CNOT6L: variants seen among roughly 807,000 people sequenced by gnomAD.
CNOT6L encodes CCR4-NOT transcription complex subunit 6-like.
Under a neutral mutation model 64.0 loss-of-function variants are expected in CNOT6L, and 7 were observed. The observed-to-expected ratio is 0.11, with a 90% confidence interval of 0.06 to 0.21. The LOEUF is 0.21. Among genes scored for constraint, CNOT6L ranks in the 10% least tolerant of loss-of-function variants. The pLI is 1.00. For synonymous variants in CNOT6L, 193 were observed against 243.4 expected (o/e 0.79, Z 1.93); for missense variants, 245 against 669.0 (o/e 0.37, Z 6.99).
chr4:77,753,277 T>C (rs1382147665), intron 5 of CNOT6L, among the ~76,000 whole-genome samples: 1 of 148,502 alleles, frequency 6.7e-6, no homozygotes, highest in Admixed American at 6.7e-5. Flanking sequence ...AATACTTAAA[T>C]AAATTTTACA....
intron 1 of CNOT6L, among the ~76,000 whole-genome samples, chr4:77,811,113 TTCAG>T (rs1404285381): frequency 6.6e-6 from 1 of 152,182 alleles, no homozygotes; most frequent in Non-Finnish European, 1.5e-5. Flanking sequence ...TATCAAGCTA[TTCAG>T]TAAGAAATTC....
chr4:77,742,209 A>T lies in CNOT6L; in HGVS notation c.804T>A (p.Arg268=). 1 of 1,613,570 alleles carries T rather than the reference A, an allele frequency of 6.2e-7. No individual in the cohort carries two copies. Among genetic ancestry groups the T allele is most frequent in the Non-Finnish European group, 8.5e-7 (1 of 1,179,688 alleles). The change falls in exon 8 of 12, where the codon CGT becomes CGA. Residue 268 remains arginine, a synonymous_variant. Coordinates refer to ENST00000504123, the MANE Select transcript of CNOT6L (RefSeq NM_144571.3). ...GYDGFFSPKS[R]AKIMSEQERK... Reference sequence around the variant, plus strand: ...TCTCCTGCTCAGACATGATTTTGGCACGTGACTTTGGAGAAAAAAATCCAT... The same window carrying T: ...TCTCCTGCTCAGACATGATTTTGGCTCGTGACTTTGGAGAAAAAAATCCAT...
intron 8 of CNOT6L, among the ~76,000 whole-genome samples, chr4:77,738,692 G>A (rs1206761606): frequency 6.7e-6 from 1 of 149,226 alleles, no homozygotes; most frequent in East Asian, 2.0e-4. Context: ...GGCGGAGGTT[G>A]CAGTGGGCCA....
chr4:77,756,780 G>GCATCC (rs1725623939), intron 5 of CNOT6L, 82 bp downstream of exon 5: 1 of 811,760 alleles, frequency 1.2e-6, no homozygotes, highest in African/African-American at 1.7e-5. Flanking sequence ...ATAAAAAACA[G>GCATCC]TCAGATGCTC....
intron 1 of CNOT6L, among the ~76,000 whole-genome samples, chr4:77,786,593 G>T (rs1729473818): frequency 6.6e-6 from 1 of 152,026 alleles, no homozygotes; most frequent in Admixed American, 6.5e-5. Flanking sequence ...TCCCACTTTA[G>T]CCTCCCAAGT....
At chr4:77,802,518 C>T (rs1731704070) in intron 1 of CNOT6L, among the ~76,000 whole-genome samples, 1 of 152,198 alleles carries the variant, frequency 6.6e-6, no homozygotes, top group Non-Finnish European at 1.5e-5. Context: ...CATGGCTTCT[C>T]TGACTTTGAA....
chr4:77,801,693 G>GGA lies in CNOT6L; in HGVS notation c.5+17610_5+17611insTC, dbSNP rs1165540885. Among the ~76,000 whole-genome samples, 3 of 137,704 alleles carry GGA rather than the reference G, an allele frequency of 2.2e-5. No individual in the cohort carries two copies. The East Asian group carries it at 6.8e-4, about 31-fold the overall frequency. The allele number at this position is 137,704 out of a possible 152,430, so 90.3% of individuals were successfully genotyped here. ...TATTTTACCAGAAGATAAAAATTGG[G>GGA]GGGGGGGGAGAATGAAACATTTTAT... On this transcript the variant is annotated intron_variant, in intron 1 of 11. Transcript: ENST00000504123.
At chr4:77,773,591 T>C (rs915718006) in intron 3 of CNOT6L, among the ~76,000 whole-genome samples, 1 of 152,176 alleles carries the variant, frequency 6.6e-6, no homozygotes, top group African/African-American at 2.4e-5. Context: ...TAAACTGTAA[T>C]TAGTAGCCAA....
intron 3 of CNOT6L, among the ~76,000 whole-genome samples, chr4:77,774,059 A>T (rs990818506): frequency 2.6e-5 from 4 of 152,142 alleles, no homozygotes; most frequent in Admixed American, 6.5e-5. Context: ...TTCCTGCAAA[A>T]TTTTTTTAGA....
At chr4:77,768,384 T>A (rs1440200104) in intron 4 of CNOT6L, among the ~76,000 whole-genome samples, 2 of 151,210 alleles carry the variant, frequency 1.3e-5, no homozygotes, top group African/African-American at 2.4e-5. Flanking sequence ...GAGAATCACT[T>A]GAACCCGTGG....
At chr4:77,730,087 G>A (rs531335602) in intron 9 of CNOT6L, among the ~76,000 whole-genome samples, 1 of 152,112 alleles carries the variant, frequency 6.6e-6, no homozygotes, top group Admixed American at 6.6e-5. Flanking sequence ...TTCTATAGAA[G>A]CGTCTCAAAT....
intron 1 of CNOT6L, among the ~76,000 whole-genome samples, chr4:77,808,081 C>CG (rs1732459610): frequency 6.6e-6 from 1 of 151,952 alleles, no homozygotes. Flanking sequence ...TGTTAAAAAA[C>CG]AAAAAAATTA....
intron 1 of CNOT6L, 117 bp downstream of exon 1, chr4:77,819,187 A>G (rs1488899330): frequency 2.5e-6 from 4 of 1,591,428 alleles, no homozygotes; most frequent in African/African-American, 1.4e-5. Flanking sequence ...CCCGCCCGCC[A>G]AAGTCCCAAC....
chr4:77,725,402 G>C (rs988720829), intron 11 of CNOT6L, among the ~76,000 whole-genome samples: 4 of 152,168 alleles, frequency 2.6e-5, no homozygotes, highest in Non-Finnish European at 5.9e-5. Context: ...ATAGATGCCT[G>C]AAATGCCAGA....
intron 6 of CNOT6L, among the ~76,000 whole-genome samples, chr4:77,745,146 A>G (rs1378025779): frequency 6.6e-6 from 1 of 152,224 alleles, no homozygotes; most frequent in African/African-American, 2.4e-5. Context: ...TAAATTTTAA[A>G]TCTGCTAATT....
chr4:77,779,539 CTCT>C (rs1728607105), intron 1 of CNOT6L, among the ~76,000 whole-genome samples: 1 of 151,608 alleles, frequency 6.6e-6, no homozygotes, highest in South Asian at 2.1e-4. Context: ...ATTATGAAAT[CTCT>C]TCCTTAAAAA....
chr4:77,744,266 G>A (rs529788924), intron 7 of CNOT6L, among the ~76,000 whole-genome samples: 1 of 151,738 alleles, frequency 6.6e-6, no homozygotes, highest in Non-Finnish European at 1.5e-5. Flanking sequence ...GGTTTATAAA[G>A]TAAGGTAAGG....
At chr4:77,733,620 T>C (rs1440892473) in intron 8 of CNOT6L, among the ~76,000 whole-genome samples, 1 of 152,040 alleles carries the variant, frequency 6.6e-6, no homozygotes, top group African/African-American at 2.4e-5. Flanking sequence ...TATAATATTT[T>C]TATAACTGGA....
intron 4 of CNOT6L, among the ~76,000 whole-genome samples, chr4:77,757,457 T>G (rs1725703583): frequency 6.6e-6 from 1 of 152,208 alleles, no homozygotes; most frequent in Non-Finnish European, 1.5e-5. Flanking sequence ...AAAAGAATTT[T>G]GTTATAACAG....
Sources: allele counts gnomAD v4.1 joint callset (sites outside exome capture counted in the v4.1 genomes callset), GRCh38; gene constraint gnomAD v4.1.1; transcripts MANE v1.5; gene names NCBI Gene and HGNC (gene_info 2026-07-23, HGNC 2026-07-21).